WDFY3: variants seen among roughly 807,000 people sequenced by gnomAD.
WDFY3 encodes WD repeat and FYVE domain-containing protein 3.
In WDFY3, 66 loss-of-function variants were observed where a neutral mutation model predicts 409.6. That is an observed-to-expected ratio of 0.16 (90% CI 0.13 to 0.20). The LOEUF (loss-of-function observed/expected upper bound fraction) is 0.20. Ranked by LOEUF, WDFY3 falls within the 10% of genes least tolerant of loss-of-function variation. The probability of loss-of-function intolerance (pLI) is 1.00; values close to 1 mark genes in which losing one functional copy is unlikely to be tolerated. For synonymous variants in WDFY3, 1,521 were observed against 1,537.1 expected (o/e 0.99, Z 0.25); for missense variants, 3,031 against 4,298.1 (o/e 0.71, Z 8.24).
chr4:84,894,512 C>T (rs184834169), intron 3 of WDFY3, among the ~76,000 whole-genome samples: 13 of 151,752 alleles, frequency 8.6e-5, no homozygotes, highest in Admixed American at 2.0e-4. Flanking sequence ...TTAGGCTGGG[C>T]GTGGTGGCTC....
At position 84,755,349 on chromosome 4, in the gene WDFY3, C is replaced by T. The variant is rs191431603; in HGVS notation, c.5476G>A (p.Gly1826Arg). The change falls in exon 34 of 68, where the codon GGA becomes AGA. Residue 1826 changes from glycine (G) to arginine (R), a missense_variant. Gly to Arg is a moderately radical substitution (Grantham distance 125). Transcript: ENST00000295888. ...TTATGGATAGAAGAGACCACAGTTC[C>T]GCTGGAGGCAGGAACTCCAAAGATG... The part of the protein sequence containing the change: ...TFIFGVPASS[G>R]TVVSSIHNVC... 24 of 1,611,986 alleles carry T rather than the reference C, an allele frequency of 1.5e-5. No individual in the cohort carries two copies. The highest frequency in any genetic ancestry group is 6.7e-5 in the East Asian group (3 of 44,812).
intron 67 of WDFY3, among the ~76,000 whole-genome samples, chr4:84,675,326 C>T (rs1726089665): frequency 6.6e-6 from 1 of 152,166 alleles, no homozygotes; most frequent in Admixed American, 6.5e-5. Flanking sequence ...GCCAGCCTCA[C>T]AGAAATTCCC....
At chr4:84,748,349 G>T (rs1739882240) in intron 36 of WDFY3, among the ~76,000 whole-genome samples, 1 of 152,174 alleles carries the variant, frequency 6.6e-6, no homozygotes, top group South Asian at 2.1e-4. Context: ...TGTGTAAATT[G>T]TATAGATGTG....
intron 2 of WDFY3, among the ~76,000 whole-genome samples, chr4:84,907,740 T>A (rs1767231152): frequency 1.6e-5 from 2 of 127,726 alleles, no homozygotes; most frequent in South Asian, 4.8e-4. Context: ...GTGCCTACTA[T>A]GGCCCAGTCA....
chr4:84,695,448 C>CCT (rs1553918439), intron 58 of WDFY3, among the ~76,000 whole-genome samples: 23 of 136,054 alleles, frequency 1.7e-4, no homozygotes, highest in African/African-American at 5.4e-4. Flanking sequence ...ATTTGGGTCC[C>CCT]GTGTGTGTGT....
chr4:84,815,042 T>C (rs1456304327), intron 13 of WDFY3, among the ~76,000 whole-genome samples: 1 of 152,128 alleles, frequency 6.6e-6, no homozygotes, highest in African/African-American at 2.4e-5. Flanking sequence ...CTTGTTAATT[T>C]GTCTTTTGTA....
intron 29 of WDFY3, among the ~76,000 whole-genome samples, chr4:84,773,828 C>T (rs893348433): frequency 2.6e-5 from 4 of 151,814 alleles, no homozygotes; most frequent in Non-Finnish European, 5.9e-5. Context: ...TCAAGTGATT[C>T]TCCTGCCTCA....
intron 21 of WDFY3, among the ~76,000 whole-genome samples, chr4:84,791,278 G>A (rs1401115268): frequency 2.0e-5 from 3 of 152,288 alleles, no homozygotes; most frequent in East Asian, 3.9e-4. Flanking sequence ...AGGACATTAT[G>A]CTAAATGAAA....
rs577693818 is a variant in WDFY3, at chr4:84,727,099, G to A, written c.7222-188C>T. Among the ~76,000 whole-genome samples the A allele has an allele frequency of 4.6e-5, 7 of 152,118 alleles. No individual in the cohort carries two copies. The South Asian group carries it at 1.0e-3, about 23-fold the overall frequency. ...GTGGTTACTGTCTCACAGATCAAAA[G>A]CAGTTTTAAGTAAAGCTTAAATACG... On this transcript the variant is annotated intron_variant, in intron 44 of 67. Transcript: ENST00000295888.
intron 1 of WDFY3, among the ~76,000 whole-genome samples, chr4:84,961,437 T>G (rs998779976): frequency 6.6e-6 from 1 of 152,128 alleles, no homozygotes; most frequent in African/African-American, 2.4e-5. Flanking sequence ...ATAAATTTTT[T>G]AATTCTAATT....
chr4:84,716,595 G>A (rs1733971966), intron 49 of WDFY3, among the ~76,000 whole-genome samples: 1 of 151,420 alleles, frequency 6.6e-6, no homozygotes, highest in Non-Finnish European at 1.5e-5. Context: ...AGGAGATCGA[G>A]ACCATCCTGG....
Position 84,897,022 on chromosome 4 carries a change from G to A in WDFY3, c.-131-12C>T, listed in dbSNP as rs551543181. Reference sequence around the variant, plus strand: ...AATCTGGGCTCCAGCTAGAAAGAGGGGGAAAAAGGTTATGAATTAATCTCT... The same window carrying A: ...AATCTGGGCTCCAGCTAGAAAGAGGAGGAAAAAGGTTATGAATTAATCTCT... On this transcript the variant is annotated splice_polypyrimidine_tract_variant and intron_variant, in intron 2 of 67. Coordinates refer to ENST00000295888, the MANE Select transcript of WDFY3 (RefSeq NM_014991.6). 6.6e-6 allele frequency: 1 copy of A among 152,232 alleles called. No individual in the cohort carries two copies. The highest frequency in any genetic ancestry group is 2.4e-5 in the African/African-American group (1 of 41,538). 9.4% of individuals were successfully genotyped at this position (152,232 alleles called of 1,614,324 possible). A position where few individuals can be genotyped will look rare whatever the true frequency, so the allele number is the denominator to read the frequency against.
chr4:84,951,064 T>C (rs535716234), intron 1 of WDFY3, among the ~76,000 whole-genome samples: 2 of 152,352 alleles, frequency 1.3e-5, no homozygotes, highest in South Asian at 4.1e-4. Flanking sequence ...ATTAATTTCA[T>C]GTACTCTTTC....
chr4:84,813,168 T>C (rs990269859), intron 13 of WDFY3, among the ~76,000 whole-genome samples: 1 of 152,100 alleles, frequency 6.6e-6, no homozygotes, highest in Admixed American at 6.6e-5. Context: ...TATATGTCAG[T>C]TGAATGGAGG....
chr4:84,869,417 G>A (rs1024572732), intron 3 of WDFY3, among the ~76,000 whole-genome samples: 10 of 152,036 alleles, frequency 6.6e-5, no homozygotes, highest in African/African-American at 2.2e-4. Flanking sequence ...ATACCTCCAA[G>A]AACCCAGCCA....
At chr4:84,928,795 C>T (rs1043758419) in intron 2 of WDFY3, among the ~76,000 whole-genome samples, 8 of 152,174 alleles carry the variant, frequency 5.3e-5, no homozygotes, top group African/African-American at 9.7e-5. Flanking sequence ...TAGACCTCTG[C>T]ATATTTTATG....
intron 53 of WDFY3, among the ~76,000 whole-genome samples, 167 bp downstream of exon 53, chr4:84,708,740 CCT>C (rs1411991101): frequency 6.6e-6 from 1 of 152,036 alleles, no homozygotes; most frequent in African/African-American, 2.4e-5. Flanking sequence ...AGGGTTTCGC[CCT>C]GTTTCTCTGG....
At chr4:84,761,003 G>A (rs1287936682) in intron 32 of WDFY3, among the ~76,000 whole-genome samples, 2 of 150,982 alleles carry the variant, frequency 1.3e-5, no homozygotes, top group Admixed American at 1.3e-4. Flanking sequence ...CTGGTATGTT[G>A]TGTCTTTGTT....
intron 16 of WDFY3, among the ~76,000 whole-genome samples, chr4:84,802,782 C>T (rs1750838344): frequency 6.6e-6 from 1 of 152,110 alleles, no homozygotes; most frequent in South Asian, 2.1e-4. Flanking sequence ...ATAGAAATAG[C>T]AGGGATAAAA....
Sources: gnomAD v4.1 joint callset for allele counts (sites outside exome capture counted in the v4.1 genomes callset) on GRCh38, gnomAD v4.1.1 for gene constraint, MANE v1.5 for transcripts, NCBI Gene and HGNC (gene_info 2026-07-23, HGNC 2026-07-21) for gene names.